Variants in TSC22D2 observed in about 807,000 individuals in gnomAD.
TSC22D2 encodes TSC22 domain family member 2, also known as TSC22 domain family protein 2.
In TSC22D2, 5 loss-of-function variants were observed where a neutral mutation model predicts 50.1. The ratio of observed to expected loss-of-function variants is 0.10; its 90% CI spans 0.05 to 0.21. TSC22D2 has a LOEUF of 0.21. Among genes scored for constraint, TSC22D2 ranks in the 10% least tolerant of loss-of-function variants. The probability of loss-of-function intolerance (pLI) is 1.00; values close to 1 mark genes in which losing one functional copy is unlikely to be tolerated. For missense variants in TSC22D2, 1,003 were observed against 1,015.5 expected, an observed-to-expected ratio of 0.99 and a Z score of 0.17; for synonymous variants, 501 against 450.1, an observed-to-expected ratio of 1.11 and a Z score of -1.43.
At position 150,460,012 on chromosome 3, in the gene TSC22D2, AAAG is replaced by A. The variant is rs1338801258; in HGVS notation, c.*1379_*1381del. 6.6e-6 allele frequency: 1 copy of A among 152,158 alleles called. No homozygotes were observed. The highest frequency in any genetic ancestry group is 1.5e-5 in the Non-Finnish European group (1 of 68,016). 9.4% of individuals were successfully genotyped at this position (152,158 alleles called of 1,614,324 possible). ...TGTACATTTCATAAATACAGTTTCAAAAGAAAGCATCATTTTGTGTATACTAAC... is the reference window on the plus strand; with the variant it reads ...TGTACATTTCATAAATACAGTTTCAAAAAGCATCATTTTGTGTATACTAAC... On this transcript the variant is annotated 3_prime_UTR_variant, in exon 3 of 3. Transcript: ENST00000688009.
In TSC22D2 at chr3:150,410,777, G is replaced by A. The variant is rs1246713103; in HGVS notation, c.1427G>A (p.Gly476Glu). The change falls in exon 1 of 3, where the codon GGG (glycine) becomes GAG (glutamate). Residue 476 changes from glycine (G) to glutamate (E), a missense_variant. By Grantham distance (98) the Gly-to-Glu change is moderately conservative (BLOSUM62 -2). This residue lies in a region of TSC22D2 where 696 missense variants were observed against 647.8 expected (regional missense o/e 1.07). Transcript: ENST00000688009. ...VQPCLGPAGA[G>E]QPQSVPPPQM... is the part of the protein sequence containing the mutation. Reference sequence around the variant, plus strand: ...CCGTGCCTCGGTCCTGCCGGGGCTGGGCAGCCCCAGTCCGTGCCTCCGCCG... The same window carrying A: ...CCGTGCCTCGGTCCTGCCGGGGCTGAGCAGCCCCAGTCCGTGCCTCCGCCG... 1 of 1,611,600 alleles carries A rather than the reference G, an allele frequency of 6.2e-7. No individual in the cohort carries two copies. The highest frequency in any genetic ancestry group is 1.7e-5 in the Admixed American group (1 of 59,886).
Position 150,458,369 on chromosome 3 carries a change from T to C in TSC22D2, c.2011-7T>C. ...TCTTTTGACATTCCTAATTTTGTTT[T>C]TCACAGGATCTGGTGAAAAGCCATT... is the stretch of plus-strand genomic sequence containing the variant. On this transcript the variant is annotated splice_polypyrimidine_tract_variant and splice_region_variant and intron_variant, in intron 2 of 2. Coordinates refer to ENST00000688009, the MANE Select transcript of TSC22D2 (RefSeq NM_001303264.2). 1 of 1,608,192 alleles carries C rather than the reference T, an allele frequency of 6.2e-7. No individual in the cohort carries two copies. The highest frequency in any genetic ancestry group is 8.5e-7 in the Non-Finnish European group (1 of 1,176,924).
chr3:150,427,030 A>G (rs1461883931), intron 1 of TSC22D2, among the ~76,000 whole-genome samples: 1 of 152,130 alleles, frequency 6.6e-6, no homozygotes, highest in East Asian at 1.9e-4. Context: ...TTTATGTCAT[A>G]AATACCATTG....
At chr3:150,455,300 T>C (rs1370393324) in intron 1 of TSC22D2, among the ~76,000 whole-genome samples, 1 of 152,188 alleles carries the variant, frequency 6.6e-6, no homozygotes, top group Non-Finnish European at 1.5e-5. Context: ...AGTGGTTCTG[T>C]AGTTTATAGT....
Position 150,463,329 on chromosome 3 carries a change from T to C in TSC22D2, c.*4693T>C, listed in dbSNP as rs550645993. On this transcript the variant is annotated 3_prime_UTR_variant, in exon 3 of 3. Coordinates refer to ENST00000688009, the MANE Select transcript of TSC22D2 (RefSeq NM_001303264.2). ...CCTTTTATTCTTTGACATAGGTCAGTCCTGCAGGCTTCTTTTTTCTAAGTC... is the reference window on the plus strand; with the variant it reads ...CCTTTTATTCTTTGACATAGGTCAGCCCTGCAGGCTTCTTTTTTCTAAGTC... The C allele has an allele frequency of 6.6e-6, 1 of 152,344 alleles. No homozygotes were observed. The highest frequency in any genetic ancestry group is 1.5e-5 in the Non-Finnish European group (1 of 68,050). 9.4% of individuals were successfully genotyped at this position (152,344 alleles called of 1,614,324 possible). A position where few individuals can be genotyped will look rare whatever the true frequency, so the allele number is the denominator to read the frequency against.
At position 150,461,273 on chromosome 3, in the gene TSC22D2, C is replaced by T. The variant is rs1464495377; in HGVS notation, c.*2637C>T. The T allele has an allele frequency of 6.6e-6, 1 of 152,154 alleles. No individual in the cohort carries two copies. Among genetic ancestry groups the T allele is most frequent in the Non-Finnish European group, 1.5e-5 (1 of 68,034 alleles). The allele number at this position is 152,154 out of a possible 1,614,324, so 9.4% of individuals were successfully genotyped here. A position where few individuals can be genotyped will look rare whatever the true frequency, so the allele number is the denominator to read the frequency against. Reference sequence around the variant, plus strand: ...CCCCTCCCCTCAAAATCCAAACTATCCCTACTGTCAACCCTTCCCCCAGCT... The same window carrying T: ...CCCCTCCCCTCAAAATCCAAACTATTCCTACTGTCAACCCTTCCCCCAGCT... On this transcript the variant is annotated 3_prime_UTR_variant, in exon 3 of 3. Coordinates refer to ENST00000688009, the MANE Select transcript of TSC22D2 (RefSeq NM_001303264.2).
chr3:150,430,971 A>AT (rs967972892), intron 1 of TSC22D2, among the ~76,000 whole-genome samples: 2 of 152,160 alleles, frequency 1.3e-5, no homozygotes, highest in African/African-American at 4.8e-5. Flanking sequence ...TCTTACCAAG[A>AT]TTCAGTGTTT....
intron 1 of TSC22D2, among the ~76,000 whole-genome samples, chr3:150,425,868 C>A (rs1249528473): frequency 6.6e-6 from 1 of 152,140 alleles, no homozygotes; most frequent in Non-Finnish European, 1.5e-5. Context: ...TCTAATGGCC[C>A]CTTTGTTTCC....
At chr3:150,458,012 A>T (rs190950194) in intron 2 of TSC22D2, among the ~76,000 whole-genome samples, 11 of 152,292 alleles carry the variant, frequency 7.2e-5, no homozygotes, top group Admixed American at 6.5e-4. Flanking sequence ...CAGTACTATG[A>T]CTAGTTTAAC....
intron 1 of TSC22D2, among the ~76,000 whole-genome samples, chr3:150,418,821 G>A (rs1207858741): frequency 6.6e-6 from 1 of 151,958 alleles, no homozygotes. Flanking sequence ...ATCTTGAAAC[G>A]ATTTCAGTAT....
At chr3:150,422,263 C>G (rs1720035076) in intron 1 of TSC22D2, among the ~76,000 whole-genome samples, 1 of 152,146 alleles carries the variant, frequency 6.6e-6, no homozygotes, top group African/African-American at 2.4e-5. Flanking sequence ...GAGGAGGGAA[C>G]AGGTTTGTCA....
At chr3:150,456,888 A>G in intron 1 of TSC22D2, 188 bp from the exon 2 acceptor site, 1 of 578,832 alleles carries the variant, frequency 1.7e-6, no homozygotes, top group Non-Finnish European at 3.0e-6. Context: ...TGTAGAAATC[A>G]TCTATTTACT....
intron 1 of TSC22D2, among the ~76,000 whole-genome samples, chr3:150,424,190 G>A (rs1348476322): frequency 6.6e-6 from 1 of 152,094 alleles, no homozygotes; most frequent in Admixed American, 6.5e-5. Context: ...AAAATTTGTA[G>A]TACCATGTTT....
chr3:150,449,425 T>C (rs984421759), intron 1 of TSC22D2, among the ~76,000 whole-genome samples: 1 of 152,186 alleles, frequency 6.6e-6, no homozygotes, highest in Non-Finnish European at 1.5e-5. Context: ...TCTTAATGTG[T>C]GTATATCCTT....
In TSC22D2 at chr3:150,448,499, C is replaced by T. The variant is rs1225535540; in HGVS notation, c.1959-8577C>T. Among the ~76,000 whole-genome samples, 5 of 152,082 alleles carry T rather than the reference C, an allele frequency of 3.3e-5. No homozygotes were observed. In the East Asian group the frequency reaches 9.6e-4, roughly 29 times the overall value. On this transcript the variant is annotated intron_variant, in intron 1 of 2. Transcript: ENST00000688009. ...CCATCTCTATAAAAACAACAACTAGCTAGCACACAAAGTCAAGTATCTTAA... is the reference window on the plus strand; with the variant it reads ...CCATCTCTATAAAAACAACAACTAGTTAGCACACAAAGTCAAGTATCTTAA...
chr3:150,416,330 G>A (rs1018635552), intron 1 of TSC22D2, among the ~76,000 whole-genome samples: 11 of 152,084 alleles, frequency 7.2e-5, no homozygotes, highest in African/African-American at 2.7e-4. Flanking sequence ...AAGCAGGTCT[G>A]TCTGGTTAAA....
intron 1 of TSC22D2, chr3:150,438,222 G>A (rs757770172): frequency 1.9e-5 from 8 of 426,664 alleles, no homozygotes; most frequent in South Asian, 1.4e-4. Context: ...TTCAGCATCG[G>A]AGGAGGAATG....
rs140643262 is a variant in TSC22D2, at chr3:150,409,617, C to G, written c.267C>G (p.Leu89=). ...ETPGTVSPNL[L]LDGQLAAAAA... is the part of the protein sequence containing the mutation. ...CCGGGACCGTCTCCCCAAACCTCCT[C>G]CTAGATGGGCAGCTGGCAGCGGCGG... Residue 89 remains leucine (L), a synonymous_variant, in exon 1 of 3, where the codon CTC becomes CTG. Coordinates refer to ENST00000688009, the MANE Select transcript of TSC22D2 (RefSeq NM_001303264.2). The surrounding 1 kb of genome is among the most constrained non-coding windows in gnomAD (Gnocchi z 7.4). 1 of 1,609,600 alleles carries G rather than the reference C, an allele frequency of 6.2e-7. No individual in the cohort carries two copies. The highest frequency in any genetic ancestry group is 1.3e-5 in the African/African-American group (1 of 74,894).
intron 1 of TSC22D2, among the ~76,000 whole-genome samples, chr3:150,424,610 C>T (rs997472961): frequency 2.0e-5 from 3 of 152,074 alleles, no homozygotes; most frequent in African/African-American, 7.2e-5. Context: ...CTAAATACTC[C>T]TTATATGTTT....
Sources: gnomAD v4.1 joint callset for allele counts (sites outside exome capture counted in the v4.1 genomes callset) on GRCh38, gnomAD v4.1.1 for gene constraint, gnomAD v4.1.1 regional missense constraint, Gnocchi (gnomAD v3.1) non-coding constraint, MANE v1.5 for transcripts, NCBI Gene and HGNC (gene_info 2026-07-23, HGNC 2026-07-21) for gene names.